Variants in THBS2 observed in about 807,000 individuals in gnomAD.
THBS2 encodes thrombospondin 2.
THBS2 carries 47 observed loss-of-function variants against 135.2 expected under a neutral mutation model. The observed-to-expected ratio is 0.35, with a 90% confidence interval of 0.28 to 0.44. THBS2 has a LOEUF of 0.44. Ranked by LOEUF, THBS2 falls within the 20% of genes least tolerant of loss-of-function variation. The pLI, the probability that THBS2 is intolerant of heterozygous loss-of-function variation, is 1.00. For missense variants in THBS2, 1,288 were observed against 1,603.1 expected, an observed-to-expected ratio of 0.80 and a Z score of 3.36; for synonymous variants, 639 against 633.8, an observed-to-expected ratio of 1.01 and a Z score of -0.12.
chr6:169,253,801 G>A lies in THBS2; in HGVS notation c.-100C>T, dbSNP rs1780829112. On this transcript the variant is annotated 5_prime_UTR_variant, in exon 1 of 22. Coordinates refer to ENST00000617924, the MANE Select transcript of THBS2 (RefSeq NM_003247.5). The stretch of plus-strand genomic sequence containing the variant: ...TCAGAAAGGCGCAGGCTCTGCTGGA[G>A]CGAGAGACCGGCCCTGCAGTGCAGG... 1 of 152,268 alleles carries A rather than the reference G, an allele frequency of 6.6e-6. No homozygotes were observed. Among genetic ancestry groups the A allele is most frequent in the East Asian group, 1.9e-4 (1 of 5,196 alleles). The allele number at this position is 152,268 out of a possible 1,614,324, so 9.4% of individuals were successfully genotyped here.
chr6:169,249,123 C>T (rs938723054), intron 2 of THBS2, 150 bp from the exon 3 acceptor site: 10 of 772,568 alleles, frequency 1.3e-5, no homozygotes, highest in Admixed American at 2.9e-5. Flanking sequence ...TATGGGAATC[C>T]TGGAGCCACC....
At chr6:169,244,747 G>C (rs777321626) in intron 4 of THBS2, among the ~76,000 whole-genome samples, 1 of 152,252 alleles carries the variant, frequency 6.6e-6, no homozygotes, top group African/African-American at 2.4e-5. Flanking sequence ...GCCCTGGCAC[G>C]CAGAGTGCTG....
chr6:169,220,118 G>A (rs769965212), intron 21 of THBS2, 80 bp downstream of exon 21: 8 of 1,527,744 alleles, frequency 5.2e-6, no homozygotes, highest in Non-Finnish European at 7.1e-6. Flanking sequence ...GCTTTTGTAA[G>A]TGGAAGAGCG....
At position 169,246,246 on chromosome 6, in the gene THBS2, G is replaced by T. The variant is rs758979722; in HGVS notation, c.645C>A (p.Asn215Lys). 3 of 1,613,916 alleles carry T rather than the reference G, an allele frequency of 1.9e-6. No individual in the cohort carries two copies. In the Admixed American group the frequency reaches 5.0e-5, roughly 27 times the overall value. Residue 215 changes from asparagine (N) to lysine (K), a missense_variant, in exon 4 of 22, where the codon AAC (asparagine) becomes AAA (lysine). Coordinates refer to ENST00000617924, the MANE Select transcript of THBS2 (RefSeq NM_003247.5). ...TCTTGCTTAGAATATCTTCCACAGA[G>T]TTTTCAAACACTAGGTGGACGTTCT... ...LLQNVHLVFENSVEDILSKKG... is the reference protein window; with the variant it reads ...LLQNVHLVFEKSVEDILSKKG...
intron 17 of THBS2, among the ~76,000 whole-genome samples, chr6:169,224,582 C>T (rs573133842): frequency 1.3e-4 from 20 of 152,308 alleles, no homozygotes; most frequent in Middle Eastern, 6.8e-3. Flanking sequence ...ACAGCCTCCC[C>T]GGAAGCCCCA....
chr6:169,228,386 A>C, intron 14 of THBS2, 105 bp from the exon 15 acceptor site: 2 of 1,403,780 alleles, frequency 1.4e-6, no homozygotes, highest in Non-Finnish European at 1.9e-6. Context: ...AAATCAATAT[A>C]GAAATCAAAC....
chr6:169,232,480 C>CG (rs59588071), intron 12 of THBS2, among the ~76,000 whole-genome samples, 184 bp downstream of exon 12: 147 of 151,880 alleles, frequency 9.7e-4, no homozygotes, highest in African/African-American at 3.3e-3. Flanking sequence ...GCTGAGCACG[C>CG]CCCGCACCCC....
intron 1 of THBS2, 122 bp from the exon 2 acceptor site, chr6:169,250,928 A>G (rs1300187344): frequency 5.5e-6 from 3 of 545,028 alleles, no homozygotes; most frequent in Non-Finnish European, 6.2e-6. Context: ...ACTCAGCACC[A>G]ACTGGATTTG....
At chr6:169,224,816 A>G (rs1353649476) in intron 17 of THBS2, among the ~76,000 whole-genome samples, 1 of 152,058 alleles carries the variant, frequency 6.6e-6, no homozygotes. Context: ...CCAAATTCCC[A>G]ATTCATCCTA....
At chr6:169,248,032 GGT>G (rs937173905) in intron 3 of THBS2, among the ~76,000 whole-genome samples, 10 of 139,978 alleles carry the variant, frequency 7.1e-5, no homozygotes, top group South Asian at 2.4e-4. Context: ...TATGTGGTGA[GGT>G]GTGTGTGTGC....
At position 169,248,882 on chromosome 6, in the gene THBS2, G is replaced by A. The variant is rs769151177; in HGVS notation, c.144C>T (p.Pro48=). ...KTIGAKQFRG[P]DPGVPAYRFV... ...AGCGGTAAGCCGGCACGCCGGGGTCGGGCCCGCGGAACTGCTTGGCGCCAA... is the reference window on the plus strand; with the variant it reads ...AGCGGTAAGCCGGCACGCCGGGGTCAGGCCCGCGGAACTGCTTGGCGCCAA... The change falls in exon 3 of 22, where the codon CCC becomes CCT. Residue 48 remains proline, a synonymous_variant. Transcript: ENST00000617924. 10 of 1,612,824 alleles carry A rather than the reference G, an allele frequency of 6.2e-6. No homozygotes were observed. The highest frequency in any genetic ancestry group is 6.8e-6 in the Non-Finnish European group (8 of 1,180,026).
At chr6:169,225,412 G>T in intron 16 of THBS2, 33 bp from the exon 17 acceptor site, 2 of 1,544,364 alleles carry the variant, frequency 1.3e-6, no homozygotes, top group Non-Finnish European at 8.8e-7. Flanking sequence ...AACAGCAGAG[G>T]ACTGCCAGTT....
chr6:169,216,618 T>C lies in THBS2; in HGVS notation c.*1204A>G, dbSNP rs1779181743. Reference sequence around the variant, plus strand: ...ACATTATATATTTAAGGTTCCATCATAAACTCCTCATTATTCTCTATGTAT... The same window carrying C: ...ACATTATATATTTAAGGTTCCATCACAAACTCCTCATTATTCTCTATGTAT... On this transcript the variant is annotated 3_prime_UTR_variant, in exon 22 of 22. Coordinates refer to ENST00000617924, the MANE Select transcript of THBS2 (RefSeq NM_003247.5). 6.6e-6 allele frequency: 1 copy of C among 152,146 alleles called. No individual in the cohort carries two copies. The highest frequency in any genetic ancestry group is 2.4e-5 in the African/African-American group (1 of 41,418). 9.4% of individuals were successfully genotyped at this position (152,146 alleles called of 1,614,324 possible).
At position 169,237,245 on chromosome 6, in the gene THBS2, C is replaced by G. The variant is rs1165607015; in HGVS notation, c.1402G>C (p.Val468Leu). 1.2e-6 allele frequency: 2 copies of G among 1,613,456 alleles called. No homozygotes were observed. The highest frequency in any genetic ancestry group is 8.5e-7 in the Non-Finnish European group (1 of 1,180,020). The change falls in exon 9 of 22, where the codon GTG (valine) becomes CTG (leucine). Residue 468 changes from valine to leucine, a missense_variant. By Grantham distance (32) the Val-to-Leu change is conservative. Transcript: ENST00000617924. ...ITRIRLCNSP[V>L]PQMGGKNCKG... ...CAATTCTTGCCCCCCATCTGGGGCA[C>G]TGGGGAGTTGCAGAGACGGATGCGT...
chr6:169,246,759 C>T (rs935380750), intron 3 of THBS2, among the ~76,000 whole-genome samples: 1 of 152,192 alleles, frequency 6.6e-6, no homozygotes, highest in African/African-American at 2.4e-5. Flanking sequence ...TGGGCCAGTC[C>T]TATATGGTAT....
Position 169,231,981 on chromosome 6 carries a change from T to G in THBS2, c.2150A>C (p.Lys717Thr), listed in dbSNP as rs1461480542. The G allele has an allele frequency of 6.2e-7, 1 of 1,613,650 alleles. No homozygotes were observed. The highest frequency in any genetic ancestry group is 1.7e-5 in the Admixed American group (1 of 60,014). ...TGCCCTGCGAGCCCCGCGCCTCACC[T>G]TGATGCAGTGGTAGGTGGCGTTGGT... The part of the protein sequence containing the change: ...CATNATYHCI[K>T]DNCPHLPNSG... The change falls in exon 13 of 22, where the codon AAG (lysine) becomes ACG (threonine). Residue 717 changes from lysine to threonine, a missense_variant and splice_region_variant. By Grantham distance (78) the Lys-to-Thr change is moderately conservative (BLOSUM62 -1). Coordinates refer to ENST00000617924, the MANE Select transcript of THBS2 (RefSeq NM_003247.5).
Position 169,241,618 on chromosome 6 carries a change from G to T in THBS2, c.891+144C>A. On this transcript the variant is annotated intron_variant, in intron 5 of 21. Transcript: ENST00000617924. The surrounding 1 kb of genome is among the most constrained non-coding windows in gnomAD (Gnocchi z 5.5). Reference sequence around the variant, plus strand: ...TTGAGCAAGGATCCTGAGGAGCCCGGCAGACACCTCCCCTGTGAACTGTGG... The same window carrying T: ...TTGAGCAAGGATCCTGAGGAGCCCGTCAGACACCTCCCCTGTGAACTGTGG... 1 of 792,266 alleles carries T rather than the reference G, an allele frequency of 1.3e-6. No individual in the cohort carries two copies. The highest frequency in any genetic ancestry group is 1.9e-6 in the Non-Finnish European group (1 of 514,842). The allele number at this position is 792,266 out of a possible 1,614,324, so 49.1% of individuals were successfully genotyped here. A position where few individuals can be genotyped will look rare whatever the true frequency, so the allele number is the denominator to read the frequency against.
At chr6:169,235,982 T>G (rs1272085007) in intron 9 of THBS2, among the ~76,000 whole-genome samples, 1 of 21,246 alleles carries the variant, frequency 4.7e-5, no homozygotes, top group Admixed American at 6.0e-4. Flanking sequence ...CCACACTCAC[T>G]CCCCCATCCA....
Position 169,225,254 on chromosome 6 carries a change from G to C in THBS2, c.2664C>G (p.Asp888Glu), listed in dbSNP as rs1779583108. Residue 888 changes from aspartate (D) to glutamate (E), a missense_variant, in exon 17 of 22, where the codon GAC (aspartate) becomes GAG (glutamate). By Grantham distance (45) the Asp-to-Glu change is conservative. Transcript: ENST00000617924. ...YISNANQADH[D>E]RDGQGDACDP... The stretch of plus-strand genomic sequence containing the variant: ...CACAGGCGTCGCCCTGGCCGTCTCT[G>C]TCATGGTCAGCCTGGTTGGCGTTGG... 6.2e-7 allele frequency: 1 copy of C among 1,613,010 alleles called. No homozygotes were observed. The highest frequency in any genetic ancestry group is 8.5e-7 in the Non-Finnish European group (1 of 1,179,464).
Sources: allele counts gnomAD v4.1 joint callset (sites outside exome capture counted in the v4.1 genomes callset), GRCh38; gene constraint gnomAD v4.1.1; non-coding constraint Gnocchi (gnomAD v3.1); transcripts MANE v1.5; gene names NCBI Gene and HGNC (gene_info 2026-07-23, HGNC 2026-07-21).